Variants in PABPC4L observed in about 807,000 individuals in gnomAD.
PABPC4L encodes the protein polyadenylate-binding protein 4-like.
For synonymous variants in PABPC4L, 169 were observed against 164.1 expected, an observed-to-expected ratio of 1.03 and a Z score of -0.23; for missense variants, 452 against 451.4, an observed-to-expected ratio of 1.00 and a Z score of -0.01.
chr4:134,169,518 A>C, the PABPC4L span, among the ~76,000 whole-genome samples: 1 of 152,214 alleles, frequency 6.6e-6, no homozygotes, highest in Non-Finnish European at 1.5e-5. Context: ...TTTGCTGCTG[A>C]TATAATCTTA....
the PABPC4L span, among the ~76,000 whole-genome samples, chr4:134,132,557 A>T: frequency 2.0e-5 from 3 of 151,992 alleles, no homozygotes; most frequent in Non-Finnish European, 4.4e-5. Flanking sequence ...GAGAATAAAA[A>T]AAAATCGATG....
At chr4:134,082,889 A>G in the PABPC4L span, among the ~76,000 whole-genome samples, 2 of 152,162 alleles carry the variant, frequency 1.3e-5, no homozygotes, top group Non-Finnish European at 2.9e-5. Context: ...TATTTTCCAG[A>G]GCCTAGCTGG....
At chr4:134,057,357 A>G in the PABPC4L span, among the ~76,000 whole-genome samples, 1 of 151,998 alleles carries the variant, frequency 6.6e-6, no homozygotes, top group Non-Finnish European at 1.5e-5. Flanking sequence ...TGCTTCATAC[A>G]TGGTTTCCAT....
At chr4:134,103,527 A>T in the PABPC4L span, among the ~76,000 whole-genome samples, 1 of 151,552 alleles carries the variant, frequency 6.6e-6, no homozygotes, top group Non-Finnish European at 1.5e-5. Context: ...CCTTAAAAAG[A>T]TGCCAATCAT....
At chr4:134,144,638 A>C in the PABPC4L span, among the ~76,000 whole-genome samples, 1 of 150,464 alleles carries the variant, frequency 6.6e-6, no homozygotes, top group African/African-American at 2.4e-5. Flanking sequence ...CTTTAAACCT[A>C]CTATAAACTA....
At chr4:134,147,749 G>GTGTGTGTTGT in the PABPC4L span, among the ~76,000 whole-genome samples, 71 of 149,034 alleles carry the variant, frequency 4.8e-4, 1 homozygote, top group African/African-American at 8.9e-4. Context: ...GTGTGTGTGT[G>GTGTGTGTTGT]TGTTGTTGTT....
At chr4:134,104,606 T>A in the PABPC4L span, among the ~76,000 whole-genome samples, 1 of 151,880 alleles carries the variant, frequency 6.6e-6, no homozygotes, top group East Asian at 2.0e-4. Context: ...CCTGCCTAGT[T>A]ATATTTGTGC....
At chr4:134,006,192 G>A in the PABPC4L span, among the ~76,000 whole-genome samples, 2 of 151,818 alleles carry the variant, frequency 1.3e-5, no homozygotes, top group Non-Finnish European at 2.9e-5. Flanking sequence ...GCTGCTCATG[G>A]ATTGGGCTAA....
At chr4:134,171,988 T>C in the PABPC4L span, among the ~76,000 whole-genome samples, 1 of 151,918 alleles carries the variant, frequency 6.6e-6, no homozygotes, top group Non-Finnish European at 1.5e-5. Context: ...CAATGAGAAT[T>C]ACAAACCAGT....
chr4:134,156,231 G>T, the PABPC4L span, among the ~76,000 whole-genome samples: 15 of 151,876 alleles, frequency 9.9e-5, no homozygotes, highest in African/African-American at 3.4e-4. Context: ...CGACCTAAGG[G>T]ATCACAGCCT....
At chr4:134,134,574 T>C in the PABPC4L span, among the ~76,000 whole-genome samples, 1 of 151,634 alleles carries the variant, frequency 6.6e-6, no homozygotes, top group East Asian at 1.9e-4. Flanking sequence ...AAACAGAGAA[T>C]GTTAGTTAAA....
chr4:133,957,194 G>A, the PABPC4L span, among the ~76,000 whole-genome samples: 1 of 152,082 alleles, frequency 6.6e-6, no homozygotes, highest in African/African-American at 2.4e-5. Flanking sequence ...TCAAAAGCGA[G>A]GTAATTACTT....
chr4:134,091,392 C>A, the PABPC4L span, among the ~76,000 whole-genome samples: 14,394 of 151,754 alleles, frequency 0.095, 927 homozygotes, highest in East Asian at 0.28. Context: ...TTCCTTTCTT[C>A]TTTCAACTTT....
the PABPC4L span, among the ~76,000 whole-genome samples, chr4:134,189,351 CT>C: frequency 1.3e-5 from 2 of 151,342 alleles, no homozygotes; most frequent in Non-Finnish European, 3.0e-5. Context: ...TATTTCACAG[CT>C]TTGTTGACAA....
chr4:134,195,487 C>T (rs978344372), downstream of PABPC4L, among the ~76,000 whole-genome samples: 4 of 151,816 alleles, frequency 2.6e-5, no homozygotes, highest in African/African-American at 4.8e-5. Context: ...ATATTGCCTT[C>T]GCAACTCAAA....
chr4:134,005,856 A>T, the PABPC4L span, among the ~76,000 whole-genome samples: 1 of 151,690 alleles, frequency 6.6e-6, no homozygotes, highest in African/African-American at 2.4e-5. Flanking sequence ...AGATGACTCA[A>T]TCCAAGCAAA....
the PABPC4L span, among the ~76,000 whole-genome samples, chr4:134,147,837 C>A: frequency 6.6e-6 from 1 of 151,418 alleles, no homozygotes; most frequent in East Asian, 1.9e-4. Context: ...TTTCAAATGT[C>A]ATTGTTGGAG....
chr4:134,126,383 G>T, the PABPC4L span, among the ~76,000 whole-genome samples: 5 of 152,058 alleles, frequency 3.3e-5, no homozygotes. Context: ...ACTTATCAGA[G>T]TCCTTTTGAA....
the PABPC4L span, among the ~76,000 whole-genome samples, chr4:134,045,191 T>G: frequency 1.3e-5 from 2 of 152,174 alleles, no homozygotes; most frequent in Non-Finnish European, 2.9e-5. Context: ...AACTGATAGA[T>G]TGCACAAAAT....
Sources: gnomAD v4.1 joint callset for allele counts (sites outside exome capture counted in the v4.1 genomes callset) on GRCh38, gnomAD v4.1.1 for gene constraint, MANE v1.5 for transcripts, NCBI Gene and HGNC (gene_info 2026-07-23, HGNC 2026-07-21) for gene names.